Variants in ZBTB20 observed in about 807,000 individuals in gnomAD.
The protein encoded by ZBTB20 is zinc finger and BTB domain containing 20.
Under a neutral mutation model 56.9 loss-of-function variants are expected in ZBTB20, and 9 were observed. The observed-to-expected ratio is 0.16, with a 90% CI of 0.10 to 0.28. The LOEUF is 0.28. Among genes scored for constraint, ZBTB20 ranks in the 10% least tolerant of loss-of-function variants. The pLI, the probability that ZBTB20 is intolerant of heterozygous loss-of-function variation, is 1.00. For synonymous variants in ZBTB20, 417 were observed against 420.7 expected, an observed-to-expected ratio of 0.99 and a Z score of 0.11; for missense variants, 655 against 1,003.0, an observed-to-expected ratio of 0.65 and a Z score of 4.69.
At chr3:115,027,458 A>G (rs2080472157) in intron 2 of ZBTB20, 1 of 151,024 alleles carries the variant, frequency 6.6e-6, no homozygotes, top group East Asian at 1.9e-4. Context: ...TCAACTACCA[A>G]TGTATTGATG....
chr3:114,677,717 T>C (rs747333018), intron 6 of ZBTB20, among the ~76,000 whole-genome samples: 8 of 152,216 alleles, frequency 5.3e-5, no homozygotes, highest in South Asian at 2.1e-4. Flanking sequence ...TACTGGAAAT[T>C]TGAAAAATAT....
intron 2 of ZBTB20, among the ~76,000 whole-genome samples, chr3:115,060,040 AGAC>A (rs1274842042): frequency 6.6e-6 from 1 of 152,216 alleles, no homozygotes; most frequent in Non-Finnish European, 1.5e-5. Flanking sequence ...ATACTATTTA[AGAC>A]GACAAGATCA....
intron 10 of ZBTB20, among the ~76,000 whole-genome samples, chr3:114,376,121 G>A (rs1408391339): frequency 1.3e-5 from 2 of 152,190 alleles, no homozygotes; most frequent in African/African-American, 4.8e-5. Flanking sequence ...AATTCTGTCC[G>A]TGTGCACATG....
chr3:114,375,485 G>A (rs1013656709), intron 10 of ZBTB20, among the ~76,000 whole-genome samples: 1 of 152,112 alleles, frequency 6.6e-6, no homozygotes, highest in African/African-American at 2.4e-5. Context: ...ATACAGCATA[G>A]ACTAAAAAGT....
chr3:115,137,809 C>G (rs2084692599), intron 1 of ZBTB20, among the ~76,000 whole-genome samples: 1 of 151,988 alleles, frequency 6.6e-6, no homozygotes, highest in South Asian at 2.1e-4. Flanking sequence ...TATAAATGTT[C>G]CTAGAACAGT....
chr3:114,990,028 T>A (rs2108142974), intron 2 of ZBTB20, among the ~76,000 whole-genome samples: 1 of 152,282 alleles, frequency 6.6e-6, no homozygotes, highest in East Asian at 1.9e-4. Context: ...TTTCTAAATA[T>A]ACAATCATGT....
chr3:114,728,276 G>A (rs2065454735), intron 5 of ZBTB20, among the ~76,000 whole-genome samples: 1 of 152,132 alleles, frequency 6.6e-6, no homozygotes, highest in South Asian at 2.1e-4. Context: ...TCTCACAAAC[G>A]TGTTATTTGA....
intron 8 of ZBTB20, among the ~76,000 whole-genome samples, chr3:114,382,671 C>CT (rs143732773): frequency 3.9e-5 from 6 of 151,978 alleles, no homozygotes; most frequent in Admixed American, 1.3e-4. Context: ...TGCCTAAGCT[C>CT]TTTTTTTTCT....
rs910829903 is a variant in ZBTB20, at chr3:114,746,961, A to T, written c.-342-53386T>A. On this transcript the variant is annotated intron_variant, in intron 5 of 11. Transcript: ENST00000675478. ...CCCACTGTTGGAAAGATATTTTCTC[A>T]TGTCAACAACTCAGGAAGGAGTGGG... 5.3e-5 allele frequency among the ~76,000 whole-genome samples: 8 copies of T among 152,296 alleles called. No homozygotes were observed. In the South Asian group the frequency reaches 1.7e-3, roughly 32 times the overall value.
At chr3:114,481,172 T>A (rs532530393) in intron 7 of ZBTB20, among the ~76,000 whole-genome samples, 17 of 152,152 alleles carry the variant, frequency 1.1e-4, no homozygotes, top group African/African-American at 4.1e-4. Context: ...GGATTGCACA[T>A]TCTGTAAGAC....
intron 5 of ZBTB20, among the ~76,000 whole-genome samples, chr3:114,715,750 C>G (rs1299021813): frequency 2.0e-5 from 3 of 152,122 alleles, no homozygotes; most frequent in Non-Finnish European, 4.4e-5. Context: ...GACACTACCC[C>G]ACAACATGCA....
chr3:114,462,567 A>G (rs1410880979), intron 7 of ZBTB20, among the ~76,000 whole-genome samples: 1 of 152,190 alleles, frequency 6.6e-6, no homozygotes, highest in East Asian at 1.9e-4. Context: ...AATAAGTAAG[A>G]AGCTCCAGGG....
At chr3:114,909,075 G>A (rs1462730565) in intron 3 of ZBTB20, among the ~76,000 whole-genome samples, 1 of 151,916 alleles carries the variant, frequency 6.6e-6, no homozygotes, top group Non-Finnish European at 1.5e-5. Context: ...AACAGCATCA[G>A]GTAGGTCCTT....
chr3:114,981,508 A>T (rs1042353796), intron 2 of ZBTB20, among the ~76,000 whole-genome samples: 2 of 152,084 alleles, frequency 1.3e-5, no homozygotes, highest in Non-Finnish European at 2.9e-5. Context: ...GTAACAATAG[A>T]AGGCAGAGTC....
rs77051461 is a variant in ZBTB20, at chr3:114,803,859, C to A, written c.-416-2685G>T. Among the ~76,000 whole-genome samples the A allele has an allele frequency of 3.7e-3, 547 of 149,304 alleles. 1 individual carries two copies. Among genetic ancestry groups the A allele is most frequent in the African/African-American group, 0.013 (525 of 40,574 alleles). On this transcript the variant is annotated intron_variant, in intron 4 of 11. Transcript: ENST00000675478. ...AAATAGATTTCAGAGTATGTGTCAT[C>A]AATAAGAAAACTTGTTTCTCACATT...
intron 1 of ZBTB20, among the ~76,000 whole-genome samples, chr3:115,118,071 G>T (rs1389429903): frequency 2.6e-5 from 4 of 152,126 alleles, no homozygotes. Context: ...GAAGGCAAAA[G>T]TATTAAATGA....
At chr3:114,680,202 T>G (rs954259676) in intron 6 of ZBTB20, among the ~76,000 whole-genome samples, 20 of 152,208 alleles carry the variant, frequency 1.3e-4, no homozygotes, top group African/African-American at 4.8e-4. Flanking sequence ...GGTTGATGGG[T>G]GCAGCAAACC....
intron 4 of ZBTB20, among the ~76,000 whole-genome samples, chr3:114,863,742 T>G (rs2075639598): frequency 6.6e-6 from 1 of 152,106 alleles, no homozygotes; most frequent in South Asian, 2.1e-4. Flanking sequence ...CAATATCACT[T>G]CCTTTGGGTT....
At chr3:114,785,316 C>T (rs1053749307) in intron 5 of ZBTB20, among the ~76,000 whole-genome samples, 9 of 152,046 alleles carry the variant, frequency 5.9e-5, no homozygotes, top group African/African-American at 2.2e-4. Flanking sequence ...GTATCTCAGC[C>T]AGTTAGATGA....
Sources: allele counts gnomAD v4.1 joint callset (sites outside exome capture counted in the v4.1 genomes callset), GRCh38; gene constraint gnomAD v4.1.1; transcripts MANE v1.5; gene names NCBI Gene and HGNC (gene_info 2026-07-23, HGNC 2026-07-21).